The following RAB36 variants were observed in gnomAD, a reference collection of about 807,000 sequenced individuals.
The protein encoded by RAB36 is RAB36, member RAS oncogene family.
In RAB36, 33 loss-of-function variants were observed where a neutral mutation model predicts 39.3. The ratio of observed to expected loss-of-function variants is 0.84; its 90% CI spans 0.64 to 1.12. The LOEUF is 1.12. Ranked by LOEUF, RAB36 falls within the 50% of genes most tolerant of loss-of-function variation. The pLI is 0.00. For missense variants in RAB36, 308 were observed against 355.3 expected (o/e 0.87, Z 1.07); for synonymous variants, 133 against 140.2 (o/e 0.95, Z 0.36).
intron 2 of RAB36, among the ~76,000 whole-genome samples, chr22:23,148,619 T>C (rs986005062): frequency 2.0e-5 from 3 of 152,228 alleles, no homozygotes; most frequent in African/African-American, 4.8e-5. Flanking sequence ...AAGTTCATCC[T>C]GCACCCCAGG....
chr22:23,153,326 C>A (rs1288292913), intron 5 of RAB36, among the ~76,000 whole-genome samples, 192 bp downstream of exon 5: 1 of 152,162 alleles, frequency 6.6e-6, no homozygotes, highest in African/African-American at 2.4e-5. Context: ...AAAGTTGTCT[C>A]ATTTTGGTCA....
chr22:23,145,382 CAAGCTGGA>C (rs999304546), upstream of RAB36: 24 of 1,607,922 alleles, frequency 1.5e-5, no homozygotes, highest in Non-Finnish European at 1.9e-5. Context: ...ATCGCCGGTG[CAAGCTGGA>C]TGCTTGGACG....
At chr22:23,153,367 C>G (rs945694336) in intron 5 of RAB36, among the ~76,000 whole-genome samples, 1 of 152,164 alleles carries the variant, frequency 6.6e-6, no homozygotes, top group Non-Finnish European at 1.5e-5. Flanking sequence ...CACAGCCTGA[C>G]CTGCCCACCT....
chr22:23,155,323 C>T (rs1160047808), intron 5 of RAB36, among the ~76,000 whole-genome samples: 1 of 152,212 alleles, frequency 6.6e-6, no homozygotes, highest in East Asian at 1.9e-4. Context: ...GGTGCTCTTT[C>T]CCCTCTTCTA....
In RAB36 at chr22:23,156,002, A is replaced by G. The variant is rs563050855; in HGVS notation, c.364A>G (p.Ile122Val). 139 of 1,613,072 alleles carry G rather than the reference A, an allele frequency of 8.6e-5. No homozygotes were observed. Among genetic ancestry groups the G allele is most frequent in the Non-Finnish European group, 1.2e-4 (138 of 1,179,508 alleles). ...DTAGQEKFKCIASAYYRGAQV... is the reference protein window; with the variant it reads ...DTAGQEKFKCVASAYYRGAQV... ...AGCTGGGCAGGAGAAGTTCAAGTGC[A>G]TCGCATCTGCCTACTACCGGGGTGC... is the stretch of plus-strand genomic sequence containing the variant. The change falls in exon 6 of 11, where the codon ATC becomes GTC. Residue 122 changes from isoleucine to valine, a missense_variant. Transcript: ENST00000263116.
downstream of RAB36, among the ~76,000 whole-genome samples, chr22:23,168,147 C>T (rs1703778319): frequency 6.6e-6 from 1 of 152,218 alleles, no homozygotes; most frequent in African/African-American, 2.4e-5. Flanking sequence ...CCCATTCACT[C>T]CTCCCGCAGC....
chr22:23,153,787 C>T (rs2146537378), intron 5 of RAB36, among the ~76,000 whole-genome samples: 1 of 145,832 alleles, frequency 6.9e-6, no homozygotes, highest in East Asian at 2.2e-4. Context: ...ACCTCCACTT[C>T]AAGCGAATCA....
In RAB36 at chr22:23,158,914, GCT is replaced by G. The variant is rs754203931; in HGVS notation, c.466_467del (p.Leu156GlufsTer26). 3 of 1,614,056 alleles carry G rather than the reference GCT, an allele frequency of 1.9e-6. No homozygotes were observed. Among genetic ancestry groups the G allele is most frequent in the African/African-American group, 2.7e-5 (2 of 74,942 alleles). ...LEHTRQWLED[A>X]LRENEAGSCF... ...ACACTCCAGGCAGTGGTTGGAGGAT[GCT>G]CTGAGGGAGAACGAGGCAGGCTCCT... On this transcript the variant is annotated frameshift_variant, in exon 8 of 11. Transcript: ENST00000263116. LOFTEE classifies it high-confidence loss of function.
rs1423761409 is a variant in RAB36 at position 23,162,508 on chromosome 22, AGAGG to A, written c.*945_*948del. On this transcript the variant is annotated 3_prime_UTR_variant, in exon 11 of 11. Transcript: ENST00000263116. Reference sequence around the variant, plus strand: ...TTTGTAATGGTGTCCATGCACCTTTAGAGGACTTCAGAGGCCCTGCCAAGTCTAG... The same window carrying A: ...TTTGTAATGGTGTCCATGCACCTTTAACTTCAGAGGCCCTGCCAAGTCTAG... The A allele has an allele frequency of 2.5e-6, 1 of 406,358 alleles. No homozygotes were observed. The highest frequency in any genetic ancestry group is 5.0e-6 in the Non-Finnish European group (1 of 198,206). The allele number at this position is 406,358 out of a possible 1,614,324, so 25.2% of individuals were successfully genotyped here. A position where few individuals can be genotyped will look rare whatever the true frequency, so the allele number is the denominator to read the frequency against.
rs1208934494 is a variant in RAB36 at position 23,164,708 on chromosome 22, GC to G, written c.*3146del. Among the ~76,000 whole-genome samples the G allele has an allele frequency of 6.6e-6, 1 of 152,088 alleles. No homozygotes were observed. The highest frequency in any genetic ancestry group is 1.5e-5 in the Non-Finnish European group (1 of 68,024). On this transcript the variant is annotated 3_prime_UTR_variant, in exon 11 of 11. Coordinates refer to ENST00000263116, the MANE Select transcript of RAB36 (RefSeq NM_004914.5). ...GACCGCGTCCAAGTGCTGCCGAAAC[GC>G]CTTTTTCCTCTTCCCTGTTTCCCTG...
At chr22:23,159,482 G>A (rs1329633760) in intron 9 of RAB36, among the ~76,000 whole-genome samples, 2 of 152,230 alleles carry the variant, frequency 1.3e-5, no homozygotes, top group African/African-American at 4.8e-5. Flanking sequence ...CCTCACGGAT[G>A]GGGGAATAGT....
In RAB36 at chr22:23,159,331, GTT is replaced by G. The variant is rs760733610; in HGVS notation, c.619+80_619+81del. On this transcript the variant is annotated intron_variant, in intron 9 of 10. Transcript: ENST00000263116. ...AGTCCTGTGGGGCCTGCCATGCAGTGTTTCCCTCTGTAGCCAGTCGTCTGTTC... is the reference window on the plus strand; with the variant it reads ...AGTCCTGTGGGGCCTGCCATGCAGTGTCCCTCTGTAGCCAGTCGTCTGTTC... 1.7e-3 allele frequency: 2,308 copies of G among 1,342,016 alleles called. 3 individuals carry two copies. The highest frequency in any genetic ancestry group is 2.2e-3 in the Non-Finnish European group (2,142 of 978,322). The allele number at this position is 1,342,016 out of a possible 1,614,324, so 83.1% of individuals were successfully genotyped here.
chr22:23,148,552 C>G (rs995044667), intron 2 of RAB36, among the ~76,000 whole-genome samples: 1 of 152,206 alleles, frequency 6.6e-6, no homozygotes, highest in East Asian at 1.9e-4. Context: ...CCTGGTTTCA[C>G]AGGTGGCATT....
rs1462913950 is a variant in RAB36 at position 23,164,521 on chromosome 22, A to C, written c.*2957A>C. Among the ~76,000 whole-genome samples the C allele has an allele frequency of 6.6e-6, 1 of 152,178 alleles. No individual in the cohort carries two copies. The highest frequency in any genetic ancestry group is 6.5e-5 in the Admixed American group (1 of 15,282). On this transcript the variant is annotated 3_prime_UTR_variant, in exon 11 of 11. Transcript: ENST00000263116. Reference sequence around the variant, plus strand: ...GCATCTTCTCGGTCAGAATTGCTTCAGGGTGGTTTGCGCACCCTCACTTTG... The same window carrying C: ...GCATCTTCTCGGTCAGAATTGCTTCCGGGTGGTTTGCGCACCCTCACTTTG...
chr22:23,161,081 C>T, intron 10 of RAB36, 83 bp downstream of exon 10: 2 of 1,468,118 alleles, frequency 1.4e-6, no homozygotes, highest in Non-Finnish European at 1.8e-6. Context: ...CACCTGAGGC[C>T]TTGCCATTTC....
chr22:23,157,762 C>G (rs2071539765), intron 6 of RAB36, among the ~76,000 whole-genome samples: 1 of 152,230 alleles, frequency 6.6e-6, no homozygotes, highest in Non-Finnish European at 1.5e-5. Flanking sequence ...CTTGTCCTGC[C>G]TCCCTGGATC....
chr22:23,159,279 G>C (rs2071641019), intron 9 of RAB36, 26 bp downstream of exon 9: 1 of 1,556,690 alleles, frequency 6.4e-7, no homozygotes, highest in African/African-American at 1.4e-5. Context: ...CTGTCACCAT[G>C]GTGGGGCAGA....
At chr22:23,150,868 C>G (rs1235209923) in intron 3 of RAB36, among the ~76,000 whole-genome samples, 1 of 152,172 alleles carries the variant, frequency 6.6e-6, no homozygotes, top group Non-Finnish European at 1.5e-5. Context: ...TGCTCTTGTG[C>G]CCCCAAGAAC....
At chr22:23,155,923 G>A in intron 5 of RAB36, 45 bp from the exon 6 acceptor site, 1 of 1,550,078 alleles carries the variant, frequency 6.5e-7, no homozygotes, top group Non-Finnish European at 8.8e-7. Flanking sequence ...CACTGTGATT[G>A]TGTAGCCTGA....
Sources: gnomAD v4.1 joint callset for allele counts (sites outside exome capture counted in the v4.1 genomes callset) on GRCh38, gnomAD v4.1.1 for gene constraint, MANE v1.5 for transcripts, NCBI Gene and HGNC (gene_info 2026-07-23, HGNC 2026-07-21) for gene names.